The following PPFIBP2 variants were observed in gnomAD, a reference collection of about 807,000 sequenced individuals.
PPFIBP2 encodes PPFIB scaffold protein 2.
In PPFIBP2, 118 loss-of-function variants were observed where a neutral mutation model predicts 118.3. The observed-to-expected ratio is 1.00, with a 90% CI of 0.86 to 1.16. PPFIBP2 has a LOEUF of 1.16. Among genes scored for constraint, PPFIBP2 ranks in the 50% most tolerant of loss-of-function variants. The pLI is 0.00. For missense variants in PPFIBP2, 1,195 were observed against 1,073.1 expected, an observed-to-expected ratio of 1.11 and a Z score of -1.59; for synonymous variants, 414 against 397.4, an observed-to-expected ratio of 1.04 and a Z score of -0.50.
intron 3 of PPFIBP2, among the ~76,000 whole-genome samples, chr11:7,585,401 G>T (rs1245664433): frequency 6.6e-6 from 1 of 152,152 alleles, no homozygotes; most frequent in Admixed American, 6.5e-5. Flanking sequence ...TGACACCCCT[G>T]TTGTGATCTA....
downstream of PPFIBP2, among the ~76,000 whole-genome samples, chr11:7,659,706 G>A (rs1160207427): frequency 1.7e-5 from 2 of 115,478 alleles, no homozygotes; most frequent in African/African-American, 5.7e-5. Flanking sequence ...TAGCTTGATG[G>A]GGATGGCATT....
chr11:7,651,551 T>A, intron 22 of PPFIBP2, 105 bp from the exon 23 acceptor site: 1 of 1,028,594 alleles, frequency 9.7e-7, no homozygotes, highest in Non-Finnish European at 1.4e-6. Context: ...CTCCTGTCCC[T>A]CCTCTGGAGG....
intron 12 of PPFIBP2, 66 bp from the exon 13 acceptor site, chr11:7,634,429 C>T (rs1851182639): frequency 2.4e-6 from 3 of 1,266,734 alleles, no homozygotes; most frequent in Non-Finnish European, 3.5e-6. Context: ...TTTGAAATGT[C>T]CTCTGCATGA....
chr11:7,597,229 C>T (rs768539761), intron 4 of PPFIBP2: 68 of 1,520,896 alleles, frequency 4.5e-5, no homozygotes, highest in African/African-American at 1.7e-4. Context: ...GCCTTGAGGT[C>T]GGGGCTGTTC....
At chr11:7,515,914 T>C (rs1849189591) in intron 1 of PPFIBP2, among the ~76,000 whole-genome samples, 1 of 152,180 alleles carries the variant, frequency 6.6e-6, no homozygotes, top group Non-Finnish European at 1.5e-5. Flanking sequence ...GAGAATCCTG[T>C]GGGGATCTTG....
chr11:7,522,252 T>C (rs75702278), intron 1 of PPFIBP2, among the ~76,000 whole-genome samples: 1,753 of 152,230 alleles, frequency 0.012, 28 homozygotes, highest in African/African-American at 0.04. Context: ...TGATTGTATT[T>C]GAGGGAAAGA....
chr11:7,655,592 G>T (rs1854609859), downstream of PPFIBP2: 25 of 1,035,248 alleles, frequency 2.4e-5, no homozygotes, highest in South Asian at 3.3e-4. Context: ...AGGCCTGGGG[G>T]ACGGCGAAGA....
chr11:7,660,945 G>C (rs1854877437), downstream of PPFIBP2, among the ~76,000 whole-genome samples: 1 of 151,894 alleles, frequency 6.6e-6, no homozygotes, highest in Non-Finnish European at 1.5e-5. Flanking sequence ...AGAGGTGTTT[G>C]TAGTATGCTC....
chr11:7,614,119 GTT>G (rs758643327), intron 6 of PPFIBP2, among the ~76,000 whole-genome samples: 3 of 152,216 alleles, frequency 2.0e-5, no homozygotes, highest in Admixed American at 6.5e-5. Context: ...TAATAGGAGA[GTT>G]TTTTTATTCT....
chr11:7,524,145 A>T (rs187358069), intron 1 of PPFIBP2, among the ~76,000 whole-genome samples: 11,664 of 148,554 alleles, frequency 0.079, 598 homozygotes, highest in Admixed American at 0.17. Context: ...TGTGTGTGAG[A>T]GAGAGAGAGA....
At chr11:7,574,112 G>A (rs925543010) in intron 3 of PPFIBP2, 12 of 152,188 alleles carry the variant, frequency 7.9e-5, no homozygotes, top group Admixed American at 4.6e-4. Flanking sequence ...TGACCACCCT[G>A]GCCTCTTAGC....
At chr11:7,664,266 T>C in the PPFIBP2 span, among the ~76,000 whole-genome samples, 1 of 152,154 alleles carries the variant, frequency 6.6e-6, no homozygotes. Flanking sequence ...TGAATCATAT[T>C]TTCCCAGGTA....
the PPFIBP2 span, chr11:7,666,726 T>C: frequency 1.9e-6 from 1 of 515,934 alleles, no homozygotes. Flanking sequence ...TCAAACCCTT[T>C]GTTTTGTGGA....
At chr11:7,649,949 G>T (rs1853728818) in intron 21 of PPFIBP2, among the ~76,000 whole-genome samples, 1 of 152,156 alleles carries the variant, frequency 6.6e-6, no homozygotes, top group African/African-American at 2.4e-5. Flanking sequence ...GGGAGGGAAA[G>T]ACAAAATGGA....
intron 5 of PPFIBP2, chr11:7,598,093 ATAT>A (rs571828610): frequency 6.4e-6 from 1 of 155,622 alleles, no homozygotes; most frequent in African/African-American, 2.4e-5. Flanking sequence ...TAAAATAAAA[ATAT>A]TATATAAATA....
intron 1 of PPFIBP2, among the ~76,000 whole-genome samples, chr11:7,541,114 T>TTGC (rs1285590073): frequency 6.6e-6 from 1 of 152,222 alleles, no homozygotes; most frequent in Non-Finnish European, 1.5e-5. Flanking sequence ...AGGGCTGTGT[T>TTGC]TGCATTCCAT....
In PPFIBP2 at chr11:7,620,980, T is replaced by G. The variant is rs921262588; in HGVS notation, c.664T>G (p.Leu222Val). 1 of 1,612,826 alleles carries G rather than the reference T, an allele frequency of 6.2e-7. No individual in the cohort carries two copies. The highest frequency in any genetic ancestry group is 1.3e-5 in the African/African-American group (1 of 74,688). Residue 222 changes from leucine to valine, a missense_variant, in exon 7 of 24, where the codon TTG becomes GTG. Transcript: ENST00000299492. ...LRHLKIKVEE[L>V]ENERNQYEWK... Reference sequence around the variant, plus strand: ...GCACCTCAAAATCAAAGTGGAAGAGTTGGAAAATGAAAGGAATCAGTATGA... The same window carrying G: ...GCACCTCAAAATCAAAGTGGAAGAGGTGGAAAATGAAAGGAATCAGTATGA...
chr11:7,601,089 G>C (rs949276450), intron 5 of PPFIBP2, among the ~76,000 whole-genome samples: 2 of 152,176 alleles, frequency 1.3e-5, no homozygotes, highest in African/African-American at 4.8e-5. Flanking sequence ...CCATTGAGCT[G>C]TCTCTCTCCA....
the PPFIBP2 span, chr11:7,666,851 T>C: frequency 1.1e-5 from 3 of 270,446 alleles, no homozygotes; most frequent in African/African-American, 6.7e-5. Flanking sequence ...ATGGCTTCAC[T>C]CGGAGCTCCA....
Sources: allele counts gnomAD v4.1 joint callset (sites outside exome capture counted in the v4.1 genomes callset), GRCh38; gene constraint gnomAD v4.1.1; transcripts MANE v1.5; gene names NCBI Gene and HGNC (gene_info 2026-07-23, HGNC 2026-07-21).